The following SPMIP11 variants were observed in gnomAD, a reference collection of about 807,000 sequenced individuals.
The protein encoded by SPMIP11 is long intergenic non-protein coding RNA 935.
At chr12:48,744,428 A>C in the SPMIP11 span, among the ~76,000 whole-genome samples, 4 of 151,916 alleles carry the variant, frequency 2.6e-5, no homozygotes, top group South Asian at 8.3e-4. Flanking sequence ...AAACAAACAA[A>C]AGACTTGTGG....
At chr12:48,768,847 A>C in the SPMIP11 span, 1 of 1,547,152 alleles carries the variant, frequency 6.5e-7, no homozygotes, top group Non-Finnish European at 8.8e-7. Context: ...AACACTAGCC[A>C]CCCTACCCCT....
the SPMIP11 span, among the ~76,000 whole-genome samples, chr12:48,733,623 A>G: frequency 6.6e-6 from 1 of 152,048 alleles, no homozygotes; most frequent in South Asian, 2.1e-4. Flanking sequence ...TTCACTATCC[A>G]CCTGTTACTG....
the SPMIP11 span, among the ~76,000 whole-genome samples, chr12:48,734,110 T>A: frequency 6.6e-6 from 1 of 151,642 alleles, no homozygotes; most frequent in Non-Finnish European, 1.5e-5. Flanking sequence ...TTTGGGTGTT[T>A]TTTGTTTGTT....
the SPMIP11 span, among the ~76,000 whole-genome samples, chr12:48,740,148 T>C: frequency 3.9e-5 from 6 of 152,276 alleles, no homozygotes; most frequent in African/African-American, 9.6e-5. Flanking sequence ...ATAAGGTCAA[T>C]CTACCATTTT....
At chr12:48,768,311 G>T in the SPMIP11 span, 1 of 504,430 alleles carries the variant, frequency 2.0e-6, no homozygotes, top group Non-Finnish European at 3.6e-6. Flanking sequence ...TTCTGCTACT[G>T]ACCCCTCCCC....
chr12:48,771,365 C>T, the SPMIP11 span: 7 of 492,278 alleles, frequency 1.4e-5, no homozygotes, highest in Non-Finnish European at 1.9e-5. This position sits in a 1 kb window ranked among gnomAD's most constrained non-coding sequence, Gnocchi z 4.3. Context: ...TCAATTTTCT[C>T]TATTCAGAGG....
chr12:48,770,186 G>A, the SPMIP11 span, among the ~76,000 whole-genome samples: 1 of 150,898 alleles, frequency 6.6e-6, no homozygotes, highest in Non-Finnish European at 1.5e-5. Flanking sequence ...TTACAGGCAT[G>A]ATCCACCGCG....
chr12:48,742,277 CCTT>C, the SPMIP11 span, among the ~76,000 whole-genome samples: 5 of 87,216 alleles, frequency 5.7e-5, 1 homozygote, highest in Non-Finnish European at 9.0e-5. Context: ...CTTTTCTTTT[CCTT>C]TTTTTTTTTT....
chr12:48,762,962 C>G, the SPMIP11 span, among the ~76,000 whole-genome samples: 6 of 150,366 alleles, frequency 4.0e-5, no homozygotes, highest in African/African-American at 1.5e-4. Flanking sequence ...GTCTTGAACT[C>G]CTGGGCTCAA....
chr12:48,742,090 A>AAT, the SPMIP11 span, among the ~76,000 whole-genome samples: 25 of 152,082 alleles, frequency 1.6e-4, no homozygotes, highest in African/African-American at 5.8e-4. Context: ...TTTAAAAAAA[A>AAT]TTTTTTGTAG....
the SPMIP11 span, among the ~76,000 whole-genome samples, chr12:48,770,013 G>A: frequency 0.013 from 1,978 of 151,396 alleles, 37 homozygotes; most frequent in African/African-American, 0.044. Flanking sequence ...CGCCTGCCTC[G>A]GACTCCCAAA....
chr12:48,769,124 C>T, the SPMIP11 span: 49 of 1,418,582 alleles, frequency 3.5e-5, no homozygotes, highest in Non-Finnish European at 3.7e-6. Context: ...GGAGTCATCC[C>T]ACCTCCTGGC....
the SPMIP11 span, among the ~76,000 whole-genome samples, chr12:48,757,361 A>G: frequency 6.6e-6 from 1 of 152,112 alleles, no homozygotes; most frequent in East Asian, 1.9e-4. Flanking sequence ...ATTAAAAAAA[A>G]TATTGGCTGG....
the SPMIP11 span, chr12:48,768,470 C>A: frequency 1.4e-6 from 2 of 1,425,750 alleles, no homozygotes; most frequent in Non-Finnish European, 9.8e-7. Context: ...CTGGGATGTT[C>A]CCTTTTGTGG....
the SPMIP11 span, among the ~76,000 whole-genome samples, chr12:48,753,089 T>A: frequency 6.6e-6 from 1 of 152,308 alleles, no homozygotes; most frequent in African/African-American, 2.4e-5. Flanking sequence ...CCTTGCCTTG[T>A]TGTATGAAAA....
the SPMIP11 span, among the ~76,000 whole-genome samples, chr12:48,753,157 A>G: frequency 2.5e-4 from 38 of 152,212 alleles, no homozygotes; most frequent in African/African-American, 8.7e-4. Flanking sequence ...AACACTGTTC[A>G]TTGACCGGAG....
At chr12:48,731,447 C>T in the SPMIP11 span, among the ~76,000 whole-genome samples, 3 of 151,708 alleles carry the variant, frequency 2.0e-5, no homozygotes, top group African/African-American at 7.3e-5. Flanking sequence ...GCCGAGATTG[C>T]GCCACTGCCC....
the SPMIP11 span, among the ~76,000 whole-genome samples, chr12:48,739,241 G>A: frequency 5.3e-5 from 8 of 152,134 alleles, no homozygotes; most frequent in African/African-American, 1.7e-4. Context: ...CTAACTAGAA[G>A]CTGATGGAGG....
At chr12:48,756,539 G>GA in the SPMIP11 span, among the ~76,000 whole-genome samples, 727 of 152,210 alleles carry the variant, frequency 4.8e-3, 7 homozygotes, top group African/African-American at 0.016. Flanking sequence ...AGGAAGAAAA[G>GA]AAAAAAGCAG....
Sources: gnomAD v4.1 joint callset for allele counts (sites outside exome capture counted in the v4.1 genomes callset) on GRCh38, gnomAD v4.1.1 for gene constraint, Gnocchi (gnomAD v3.1) non-coding constraint, MANE v1.5 for transcripts, NCBI Gene and HGNC (gene_info 2026-07-23, HGNC 2026-07-21) for gene names.